STAT4: variants seen among roughly 807,000 people sequenced by gnomAD.
STAT4 encodes the protein signal transducer and activator of transcription 4.
Under a neutral mutation model 110.5 loss-of-function variants are expected in STAT4, and 42 were observed. The observed-to-expected ratio is 0.38, with a 90% CI of 0.30 to 0.49. The LOEUF is 0.49. STAT4 is among the 20% of genes least tolerant of loss of function. The pLI, the probability that STAT4 is intolerant of heterozygous loss-of-function variation, is 0.95. For missense variants in STAT4, 632 were observed against 887.9 expected (o/e 0.71, Z 3.66); for synonymous variants, 284 against 302.2 (o/e 0.94, Z 0.63).
At position 191,058,144 on chromosome 2, in the gene STAT4, T is replaced by C. The variant is rs1696756919; in HGVS notation, c.1113-33A>G. ...GGAAATCTTAGCTATTTACATGGTC[T>C]CAGGTAAAATAAATTTACAAGAGCA... On this transcript the variant is annotated intron_variant, in intron 12 of 23. Coordinates refer to ENST00000392320, the MANE Select transcript of STAT4 (RefSeq NM_003151.4). The surrounding 1 kb of genome is among the most constrained non-coding windows in gnomAD (Gnocchi z 4.3). 5 of 1,612,730 alleles carry C rather than the reference T, an allele frequency of 3.1e-6. No individual in the cohort carries two copies. Among genetic ancestry groups the C allele is most frequent in the Admixed American group, 1.7e-5 (1 of 59,984 alleles).
intron 15 of STAT4, among the ~76,000 whole-genome samples, 171 bp downstream of exon 15, chr2:191,040,894 C>G (rs1311675292): frequency 1.3e-5 from 2 of 152,142 alleles, no homozygotes; most frequent in South Asian, 4.1e-4. Context: ...TATATTTAAC[C>G]AAAATATTAT....
At chr2:191,078,550 A>G (rs928175515) in intron 3 of STAT4, among the ~76,000 whole-genome samples, 2 of 152,198 alleles carry the variant, frequency 1.3e-5, no homozygotes, top group Non-Finnish European at 2.9e-5. Flanking sequence ...TTATAGATTC[A>G]GTAACAAATG....
chr2:191,087,157 C>A (rs946611681), intron 3 of STAT4, among the ~76,000 whole-genome samples: 2 of 152,108 alleles, frequency 1.3e-5, no homozygotes, highest in African/African-American at 4.8e-5. Flanking sequence ...TTGATCTATT[C>A]TCAGGACTAA....
Position 191,143,135 on chromosome 2 carries a change from C to T in STAT4, c.273+3478G>A, listed in dbSNP as rs1699379324. Among the ~76,000 whole-genome samples the T allele has an allele frequency of 1.3e-5, 2 of 152,184 alleles. No individual in the cohort carries two copies. Among genetic ancestry groups the T allele is most frequent in the African/African-American group, 4.8e-5 (2 of 41,448 alleles). ...CAATTTTTCTGTAAACCTAAAACTA[C>T]TCTTAAAAATAAACTGCACTAATTT... On this transcript the variant is annotated intron_variant, in intron 3 of 23. Transcript: ENST00000392320. This position sits in a 1 kb window ranked among gnomAD's most constrained non-coding sequence, Gnocchi z 5.6.
At chr2:191,098,489 C>T (rs1165032955) in intron 3 of STAT4, among the ~76,000 whole-genome samples, 1 of 152,252 alleles carries the variant, frequency 6.6e-6, no homozygotes, top group Admixed American at 6.5e-5. Context: ...TGGAAACCCT[C>T]ATTCTGAGCA....
At position 191,030,893 on chromosome 2, in the gene STAT4, T is replaced by C; in HGVS notation, c.2220+79A>G. 7.6e-7 allele frequency: 1 copy of C among 1,323,756 alleles called. No individual in the cohort carries two copies. The highest frequency in any genetic ancestry group is 1.1e-6 in the Non-Finnish European group (1 of 920,608). 82.0% of individuals were successfully genotyped at this position (1,323,756 alleles called of 1,614,324 possible). On this transcript the variant is annotated intron_variant, in intron 23 of 23. Coordinates refer to ENST00000392320, the MANE Select transcript of STAT4 (RefSeq NM_003151.4). This position sits in a 1 kb window ranked among gnomAD's most constrained non-coding sequence, Gnocchi z 4.4. ...GTTTTCTCCCTACCCAGGCAGTATT[T>C]CAGCCCCTTTGATTCACACACCACC...
intron 3 of STAT4, among the ~76,000 whole-genome samples, chr2:191,121,393 A>G (rs1170754581): frequency 6.6e-6 from 1 of 152,196 alleles, no homozygotes; most frequent in African/African-American, 2.4e-5. Context: ...AACTAGAAAT[A>G]CCATTTGACC....
chr2:191,085,975 G>A (rs1035208289), intron 3 of STAT4, among the ~76,000 whole-genome samples: 1 of 151,578 alleles, frequency 6.6e-6, no homozygotes, highest in African/African-American at 2.4e-5. Flanking sequence ...ATATATTCTT[G>A]TGAGCAAAAT....
At chr2:191,093,638 G>A (rs935402981) in intron 3 of STAT4, among the ~76,000 whole-genome samples, 1 of 152,218 alleles carries the variant, frequency 6.6e-6, no homozygotes, top group African/African-American at 2.4e-5. Flanking sequence ...GGAGAAACAA[G>A]AGCAGAAAAG....
intron 1 of STAT4, among the ~76,000 whole-genome samples, chr2:191,149,004 T>G (rs1699526259): frequency 6.6e-6 from 1 of 152,146 alleles, no homozygotes; most frequent in African/African-American, 2.4e-5. Context: ...AAGTACGCAT[T>G]TCCCCCTTGT....
chr2:191,150,359 C>T lies in STAT4; in HGVS notation c.-2+588G>A, dbSNP rs1436496196. 6.6e-6 allele frequency among the ~76,000 whole-genome samples: 1 copy of T among 152,128 alleles called. No homozygotes were observed. The highest frequency in any genetic ancestry group is 1.5e-5 in the Non-Finnish European group (1 of 68,030). On this transcript the variant is annotated intron_variant, in intron 1 of 23. Transcript: ENST00000392320. This position sits in a 1 kb window ranked among gnomAD's most constrained non-coding sequence, Gnocchi z 6.4. ...TACTTCTTTCTCATGAAAACTGTGA[C>T]GTTGCTTCTGAAAACTCAGTGCCTG...
intron 3 of STAT4, among the ~76,000 whole-genome samples, chr2:191,141,196 C>T (rs1650590786): frequency 6.6e-6 from 1 of 151,720 alleles, no homozygotes; most frequent in South Asian, 2.1e-4. Flanking sequence ...AGAACTTATC[C>T]ATGTAACCAA....
chr2:191,038,380 G>C (rs1696100949), intron 16 of STAT4, among the ~76,000 whole-genome samples: 1 of 152,192 alleles, frequency 6.6e-6, no homozygotes, highest in South Asian at 2.1e-4. Context: ...GAATCAAAGA[G>C]AAAGAACACT....
chr2:191,076,883 G>T (rs980791042), intron 3 of STAT4, among the ~76,000 whole-genome samples: 1 of 151,968 alleles, frequency 6.6e-6, no homozygotes, highest in African/African-American at 2.4e-5. Context: ...GAACCCAGGT[G>T]ATCCATCTGC....
Position 191,110,252 on chromosome 2 carries a change from A to G in STAT4, c.274-33927T>C, listed in dbSNP as rs1373628698. Among the ~76,000 whole-genome samples the G allele has an allele frequency of 6.6e-6, 1 of 152,170 alleles. No homozygotes were observed. The highest frequency in any genetic ancestry group is 1.5e-5 in the Non-Finnish European group (1 of 68,022). On this transcript the variant is annotated intron_variant, in intron 3 of 23. Coordinates refer to ENST00000392320, the MANE Select transcript of STAT4 (RefSeq NM_003151.4). This position sits in a 1 kb window ranked among gnomAD's most constrained non-coding sequence, Gnocchi z 4.5. Reference sequence around the variant, plus strand: ...GGTCTTCTTCAGGCCTTTATTCAACAATATTCAGGTTTCAGCTATGTGTCT... The same window carrying G: ...GGTCTTCTTCAGGCCTTTATTCAACGATATTCAGGTTTCAGCTATGTGTCT...
intron 3 of STAT4, among the ~76,000 whole-genome samples, chr2:191,132,469 T>A (rs1699063116): frequency 6.6e-6 from 1 of 151,590 alleles, no homozygotes; most frequent in Non-Finnish European, 1.5e-5. Context: ...TGAAGCAAAA[T>A]TTGAAACCTC....
chr2:191,129,204 A>G (rs965611460), intron 3 of STAT4, among the ~76,000 whole-genome samples: 2 of 152,258 alleles, frequency 1.3e-5, no homozygotes, highest in Admixed American at 6.5e-5. Flanking sequence ...TTTACCAGTT[A>G]GTAAATGATA....
At position 191,083,993 on chromosome 2, in the gene STAT4, G is replaced by A. The variant is rs981258672; in HGVS notation, c.274-7668C>T. On this transcript the variant is annotated intron_variant, in intron 3 of 23. Coordinates refer to ENST00000392320, the MANE Select transcript of STAT4 (RefSeq NM_003151.4). The surrounding 1 kb of genome is among the most constrained non-coding windows in gnomAD (Gnocchi z 4.6). ...ATATAGAACTTTGTGGCTGGGTGTG[G>A]TGGCTCACGCCTGTAATTCCAGCAC... Among the ~76,000 whole-genome samples the A allele has an allele frequency of 6.6e-6, 1 of 152,312 alleles. No individual in the cohort carries two copies. Among genetic ancestry groups the A allele is most frequent in the African/African-American group, 2.4e-5 (1 of 41,552 alleles).
At position 191,144,310 on chromosome 2, in the gene STAT4, T is replaced by C. The variant is rs1699407120; in HGVS notation, c.273+2303A>G. 6.6e-6 allele frequency among the ~76,000 whole-genome samples: 1 copy of C among 152,172 alleles called. No individual in the cohort carries two copies. Among genetic ancestry groups the C allele is most frequent in the South Asian group, 2.1e-4 (1 of 4,832 alleles). On this transcript the variant is annotated intron_variant, in intron 3 of 23. Coordinates refer to ENST00000392320, the MANE Select transcript of STAT4 (RefSeq NM_003151.4). This position sits in a 1 kb window ranked among gnomAD's most constrained non-coding sequence, Gnocchi z 4.7. ...ACTAAAGCATGTGGTGAAGGTTTTC[T>C]TGTTGCACTGGAACCTACATAGATT...
Sources: gnomAD v4.1 joint callset for allele counts (sites outside exome capture counted in the v4.1 genomes callset) on GRCh38, gnomAD v4.1.1 for gene constraint, Gnocchi (gnomAD v3.1) non-coding constraint, MANE v1.5 for transcripts, NCBI Gene and HGNC (gene_info 2026-07-23, HGNC 2026-07-21) for gene names.